The following RPH3A variants were observed in gnomAD, a reference collection of about 807,000 sequenced individuals.
The protein encoded by RPH3A is rabphilin-3A.
A neutral mutation model predicts 102.2 loss-of-function variants in RPH3A; 48 were observed. The observed-to-expected ratio is 0.47, with a 90% CI of 0.37 to 0.60. The LOEUF is 0.60. RPH3A is among the 20% of genes least tolerant of loss of function. The pLI, the probability that RPH3A is intolerant of heterozygous loss-of-function variation, is 0.00. For missense variants in RPH3A, 781 were observed against 910.1 expected (o/e 0.86, Z 1.83); for synonymous variants, 310 against 324.3 (o/e 0.96, Z 0.47).
chr12:112,724,966 TAAA>T (rs1195524780), intron 1 of RPH3A, among the ~76,000 whole-genome samples: 1 of 134,372 alleles, frequency 7.4e-6, no homozygotes, highest in Admixed American at 7.6e-5. Context: ...AGACTCTGCC[TAAA>T]AAAAAAAATT....
intron 4 of RPH3A, among the ~76,000 whole-genome samples, chr12:112,847,315 C>T (rs1698369651): frequency 6.6e-6 from 1 of 152,104 alleles, no homozygotes; most frequent in Non-Finnish European, 1.5e-5. Context: ...GCTATGTGGC[C>T]CCCAAAAGCC....
At chr12:112,890,618 G>A (rs1303754364) in intron 18 of RPH3A, among the ~76,000 whole-genome samples, 3 of 152,204 alleles carry the variant, frequency 2.0e-5, no homozygotes. Flanking sequence ...GTCAGAGTCT[G>A]TTTATGTCTA....
intron 2 of RPH3A, among the ~76,000 whole-genome samples, chr12:112,796,233 T>C (rs1232079894): frequency 6.6e-6 from 1 of 152,204 alleles, no homozygotes; most frequent in Non-Finnish European, 1.5e-5. Flanking sequence ...CAGTCTTTTG[T>C]TCCTTCAAGT....
intron 3 of RPH3A, among the ~76,000 whole-genome samples, 177 bp from the exon 4 acceptor site, chr12:112,836,314 G>A (rs905892933): frequency 6.6e-6 from 1 of 152,198 alleles, no homozygotes; most frequent in African/African-American, 2.4e-5. Context: ...ATGCTATGTT[G>A]AAGCAGCCTT....
At chr12:112,597,913 G>T (rs1592899928) in intron 1 of RPH3A, among the ~76,000 whole-genome samples, 1 of 152,284 alleles carries the variant, frequency 6.6e-6, no homozygotes, top group Non-Finnish European at 1.5e-5. Flanking sequence ...CATGCATCAG[G>T]CAAATCCCTA....
chr12:112,605,505 C>G (rs948677803), intron 1 of RPH3A, among the ~76,000 whole-genome samples: 2 of 152,234 alleles, frequency 1.3e-5, no homozygotes, highest in East Asian at 3.8e-4. Flanking sequence ...GCTTATACAA[C>G]TTATGGGTGG....
chr12:112,809,735 G>T (rs967102539), intron 2 of RPH3A, among the ~76,000 whole-genome samples: 1 of 152,122 alleles, frequency 6.6e-6, no homozygotes, highest in African/African-American at 2.4e-5. Context: ...GGTTAGCAAG[G>T]GACAGAGCCA....
chr12:112,827,896 T>TAA lies in RPH3A; in HGVS notation c.-18-396_-18-395dup, dbSNP rs1212781928. Among the ~76,000 whole-genome samples the TAA allele has an allele frequency of 6.1e-3, 451 of 73,906 alleles. 3 individuals carry two copies. The highest frequency in any genetic ancestry group is 9.7e-3 in the Non-Finnish European group (348 of 36,010). The allele number at this position is 73,906 out of a possible 152,430, so 48.5% of individuals were successfully genotyped here. On this transcript the variant is annotated intron_variant, in intron 2 of 21. Transcript: ENST00000389385. ...TATGTATCCCGGAACTTAAGTATAA[T>TAA]AAAAAAAAAAGGGAAAAAAAAAAGG...
intron 1 of RPH3A, among the ~76,000 whole-genome samples, chr12:112,638,639 ATGT>A (rs879352160): frequency 6.6e-6 from 1 of 152,164 alleles, no homozygotes; most frequent in Non-Finnish European, 1.5e-5. Context: ...TATGTTAATG[ATGT>A]TGTGAGGCTC....
At chr12:112,824,490 C>A (rs955557210) in intron 2 of RPH3A, among the ~76,000 whole-genome samples, 1 of 152,106 alleles carries the variant, frequency 6.6e-6, no homozygotes. Context: ...TGCCTCCCCC[C>A]AACTGCATCT....
At chr12:112,688,593 A>T (rs2040285107) in intron 1 of RPH3A, among the ~76,000 whole-genome samples, 1 of 152,232 alleles carries the variant, frequency 6.6e-6, no homozygotes, top group African/African-American at 2.4e-5. Flanking sequence ...CTGCTTAAAA[A>T]TATGAATCCT....
intron 1 of RPH3A, among the ~76,000 whole-genome samples, chr12:112,664,983 A>G (rs2040074758): frequency 6.6e-6 from 1 of 152,110 alleles, no homozygotes; most frequent in Non-Finnish European, 1.5e-5. Flanking sequence ...TAAATACCCC[A>G]GGTTGTCCTT....
intron 1 of RPH3A, among the ~76,000 whole-genome samples, chr12:112,674,772 C>G (rs2040161388): frequency 6.6e-6 from 1 of 152,158 alleles, no homozygotes; most frequent in Admixed American, 6.5e-5. Flanking sequence ...ATTTCAGAAG[C>G]CCGTGCAACA....
chr12:112,872,904 C>T (rs1345605783), intron 10 of RPH3A, among the ~76,000 whole-genome samples: 1 of 152,234 alleles, frequency 6.6e-6, no homozygotes, highest in East Asian at 1.9e-4. Context: ...GCTACCTTCT[C>T]TGAGCTCCCA....
chr12:112,645,581 G>T (rs544766433), intron 1 of RPH3A, among the ~76,000 whole-genome samples: 1 of 152,306 alleles, frequency 6.6e-6, no homozygotes, highest in African/African-American at 2.4e-5. Flanking sequence ...AGAGAGGCAG[G>T]TGTAGGGTGT....
intron 1 of RPH3A, among the ~76,000 whole-genome samples, chr12:112,647,773 C>G (rs2039942188): frequency 6.6e-6 from 1 of 152,168 alleles, no homozygotes; most frequent in Admixed American, 6.5e-5. Flanking sequence ...TGCAAAGGCC[C>G]TGAGGCAGTG....
chr12:112,593,534 T>C (rs1446911511), intron 1 of RPH3A, among the ~76,000 whole-genome samples: 8 of 152,184 alleles, frequency 5.3e-5, no homozygotes. Context: ...GAAAAGCTCT[T>C]GACAGCCAGT....
At chr12:112,761,718 ACAAAAGTGCTGTTTGC>A (rs1379948513) in intron 1 of RPH3A, among the ~76,000 whole-genome samples, 1 of 152,232 alleles carries the variant, frequency 6.6e-6, no homozygotes. Context: ...CCGCTGATGG[ACAAAAGTGCTGTTTGC>A]CATGTAGACC....
intron 1 of RPH3A, among the ~76,000 whole-genome samples, chr12:112,631,537 CA>C (rs1224337334): frequency 6.6e-6 from 1 of 151,768 alleles, no homozygotes; most frequent in Non-Finnish European, 1.5e-5. Flanking sequence ...TTTTTTGAGA[CA>C]GGGTCTCTGT....
Sources: gnomAD v4.1 joint callset for allele counts (sites outside exome capture counted in the v4.1 genomes callset) on GRCh38, gnomAD v4.1.1 for gene constraint, MANE v1.5 for transcripts, NCBI Gene and HGNC (gene_info 2026-07-23, HGNC 2026-07-21) for gene names.